Variants in CHKA observed in about 807,000 individuals in gnomAD.
CHKA encodes the protein CHETK-alpha.
In CHKA, 34 loss-of-function variants were observed where a neutral mutation model predicts 60.1. That is an observed-to-expected ratio of 0.57 (90% CI 0.43 to 0.75). The LOEUF is 0.75. CHKA is among the 30% of genes least tolerant of loss of function. The pLI, the probability that CHKA is intolerant of heterozygous loss-of-function variation, is 0.00. For missense variants in CHKA, 563 were observed against 561.3 expected, an observed-to-expected ratio of 1.00 and a Z score of -0.03; for synonymous variants, 217 against 223.1, an observed-to-expected ratio of 0.97 and a Z score of 0.24.
chr11:68,066,571 T>C (rs1402852279), intron 7 of CHKA, 55 bp from the exon 8 acceptor site: 78 of 1,341,050 alleles, frequency 5.8e-5, no homozygotes, highest in African/African-American at 2.9e-5. Context: ...GCTCAAGTCC[T>C]TGAACAGCAG....
At chr11:68,093,557 T>C (rs1485975269) in intron 2 of CHKA, among the ~76,000 whole-genome samples, 4 of 152,256 alleles carry the variant, frequency 2.6e-5, no homozygotes, top group Non-Finnish European at 4.4e-5. Flanking sequence ...AATAGTCTTT[T>C]TTCTTAGAAA....
rs768802557 is a variant in CHKA, at chr11:68,070,212, C to A, written c.846G>T (p.Leu282=). The part of the protein sequence containing the change: ...KKLHKLLSYN[L]PLELENLRSL... ...ACCTCAGGTTTTCCAGTTCCAAGGGCAGATTGTAACTGAGCAATTTGTGGA... is the reference window on the plus strand; with the variant it reads ...ACCTCAGGTTTTCCAGTTCCAAGGGAAGATTGTAACTGAGCAATTTGTGGA... The change falls in exon 6 of 12, where the codon CTG becomes CTT. Residue 282 remains leucine, a synonymous_variant. Coordinates refer to ENST00000265689, the MANE Select transcript of CHKA (RefSeq NM_001277.3). 3.1e-6 allele frequency: 5 copies of A among 1,613,360 alleles called. No individual in the cohort carries two copies. The highest frequency in any genetic ancestry group is 3.3e-5 in the Admixed American group (2 of 59,978).
chr11:68,061,518 T>C (rs1856247075), intron 11 of CHKA: 3 of 286,032 alleles, frequency 1.0e-5, no homozygotes, highest in Admixed American at 4.2e-5. Context: ...AGTCGGGCAC[T>C]ACAGGCTGGA....
chr11:68,053,555 G>C lies in CHKA; in HGVS notation c.*433C>G, dbSNP rs553457053. 4 of 177,298 alleles carry C rather than the reference G, an allele frequency of 2.3e-5. No individual in the cohort carries two copies. Among genetic ancestry groups the C allele is most frequent in the African/African-American group, 9.5e-5 (4 of 42,070 alleles). 11.0% of individuals were successfully genotyped at this position (177,298 alleles called of 1,614,324 possible). On this transcript the variant is annotated 3_prime_UTR_variant, in exon 12 of 12. Coordinates refer to ENST00000265689, the MANE Select transcript of CHKA (RefSeq NM_001277.3). ...TTGCTGTCCCTTGGGAGTGAGCACC[G>C]TCTATAACACATCGCCATCTACAAA...
At chr11:68,118,131 T>C (rs1858463890) in intron 1 of CHKA, among the ~76,000 whole-genome samples, 2 of 152,010 alleles carry the variant, frequency 1.3e-5, no homozygotes, top group African/African-American at 4.8e-5. Context: ...TGGCACTCAG[T>C]GAAACACGGA....
chr11:68,085,737 A>C (rs1857157452), intron 2 of CHKA, among the ~76,000 whole-genome samples: 1 of 152,020 alleles, frequency 6.6e-6, no homozygotes, highest in Non-Finnish European at 1.5e-5. Flanking sequence ...CAAAATTGCA[A>C]TTTAAGGCTT....
intron 3 of CHKA, among the ~76,000 whole-genome samples, chr11:68,077,457 A>G (rs1220547903): frequency 1.3e-5 from 2 of 152,214 alleles, no homozygotes; most frequent in African/African-American, 2.4e-5. Context: ...GCACTGGTTT[A>G]GCCACAGCTG....
intron 11 of CHKA, chr11:68,061,639 C>T (rs887673004): frequency 2.2e-6 from 1 of 460,178 alleles, no homozygotes; most frequent in South Asian, 1.6e-5. Context: ...AGCTGGACTT[C>T]GAGGGTGCAG....
chr11:68,077,834 GA>G, intron 3 of CHKA, among the ~76,000 whole-genome samples: 1 of 152,160 alleles, frequency 6.6e-6, no homozygotes, highest in Non-Finnish European at 1.5e-5. Flanking sequence ...TCTGAGGTGT[GA>G]AAAGCCACAG....
intron 3 of CHKA, among the ~76,000 whole-genome samples, chr11:68,078,741 C>T (rs1856871794): frequency 6.6e-6 from 1 of 152,034 alleles, no homozygotes; most frequent in Admixed American, 6.6e-5. Context: ...TCCAAAATAA[C>T]GGATCAGTAC....
intron 11 of CHKA, among the ~76,000 whole-genome samples, chr11:68,059,855 T>C (rs561431034): frequency 6.6e-6 from 1 of 152,298 alleles, no homozygotes; most frequent in Admixed American, 6.5e-5. Flanking sequence ...ATGTGCACCC[T>C]GCAGTTGCTG....
chr11:68,102,656 T>C (rs183643949), intron 1 of CHKA, among the ~76,000 whole-genome samples: 89 of 152,210 alleles, frequency 5.8e-4, no homozygotes, highest in Non-Finnish European at 1.1e-3. Flanking sequence ...GAATTTTTTT[T>C]AAAAGACCTC....
At position 68,060,654 on chromosome 11, in the gene CHKA, A is replaced by G. The variant is rs116490099; in HGVS notation, c.1314+1299T>C. On this transcript the variant is annotated intron_variant, in intron 11 of 11. Coordinates refer to ENST00000265689, the MANE Select transcript of CHKA (RefSeq NM_001277.3). ...CGTGAATCTGCCATTTTCTTCTTTCACTTTTGTCAGTTTTAATATCATGTC... is the reference window on the plus strand; with the variant it reads ...CGTGAATCTGCCATTTTCTTCTTTCGCTTTTGTCAGTTTTAATATCATGTC... Among the ~76,000 whole-genome samples, 970 of 152,246 alleles carry G rather than the reference A, an allele frequency of 6.4e-3. 10 individuals carry two copies. Among genetic ancestry groups the G allele is most frequent in the African/African-American group, 0.022 (908 of 41,538 alleles).
intron 4 of CHKA, among the ~76,000 whole-genome samples, 199 bp from the exon 5 acceptor site, chr11:68,071,056 C>T (rs945961732): frequency 6.6e-6 from 1 of 152,142 alleles, no homozygotes; most frequent in Non-Finnish European, 1.5e-5. Flanking sequence ...AGTGAGGAGC[C>T]GGCCACCTCC....
At chr11:68,120,622 G>T (rs1034646850) in intron 1 of CHKA, among the ~76,000 whole-genome samples, 1 of 152,166 alleles carries the variant, frequency 6.6e-6, no homozygotes, top group Non-Finnish European at 1.5e-5. Flanking sequence ...GGCCTGCGGC[G>T]GCCGCGAACC....
intron 7 of CHKA, among the ~76,000 whole-genome samples, chr11:68,068,578 T>G (rs1193627718): frequency 1.3e-5 from 2 of 152,094 alleles, no homozygotes; most frequent in Non-Finnish European, 2.9e-5. Flanking sequence ...CTACTATACC[T>G]GGCTAATGTT....
intron 4 of CHKA, among the ~76,000 whole-genome samples, 182 bp from the exon 5 acceptor site, chr11:68,071,039 T>C (rs1856601836): frequency 6.6e-6 from 1 of 152,196 alleles, no homozygotes; most frequent in South Asian, 2.1e-4. Context: ...TGCTATGGCA[T>C]TTCTACAGTG....
intron 4 of CHKA, 103 bp from the exon 5 acceptor site, chr11:68,070,960 A>G (rs1019636536): frequency 8.7e-7 from 1 of 1,155,106 alleles, no homozygotes; most frequent in Admixed American, 2.2e-5. Context: ...AGTGCATTTA[A>G]GTCTCACCCA....
chr11:68,054,108 GTGTCCCCC>G (rs1417440108), intron 11 of CHKA, 61 bp from the exon 12 acceptor site: 1 of 1,428,642 alleles, frequency 7.0e-7, no homozygotes, highest in Non-Finnish European at 9.8e-7. Context: ...CCCTGCCCAT[GTGTCCCCC>G]AATCCCCACC....
Sources: gnomAD v4.1 joint callset for allele counts (sites outside exome capture counted in the v4.1 genomes callset) on GRCh38, gnomAD v4.1.1 for gene constraint, MANE v1.5 for transcripts, NCBI Gene and HGNC (gene_info 2026-07-23, HGNC 2026-07-21) for gene names.